Variants in TNNT3 observed in about 807,000 individuals in gnomAD.
TNNT3 encodes troponin T, fast skeletal muscle.
A neutral mutation model predicts 54.2 loss-of-function variants in TNNT3; 36 were observed. The ratio of observed to expected loss-of-function variants is 0.66; its 90% CI spans 0.51 to 0.88. The LOEUF is 0.88. Ranked by LOEUF, TNNT3 falls within the 40% of genes least tolerant of loss-of-function variation. The pLI is 0.00. For synonymous variants in TNNT3, 120 were observed against 109.7 expected (o/e 1.09, Z -0.59); for missense variants, 291 against 331.6 (o/e 0.88, Z 0.95).
chr11:1,934,148 G>A (rs2668861), intron 11 of TNNT3, 140 bp downstream of exon 11: 26 of 1,139,462 alleles, frequency 2.3e-5, no homozygotes, highest in Non-Finnish European at 2.6e-5. Flanking sequence ...AGGCCCCGGC[G>A]CCCTGCAGAA....
intron 14 of TNNT3, chr11:1,935,531 C>G (rs1345208505): frequency 5.8e-6 from 1 of 172,728 alleles, no homozygotes; most frequent in African/African-American, 2.4e-5. Context: ...GGGAAGGCAG[C>G]CTGCCCGGGC....
intron 14 of TNNT3, chr11:1,936,258 A>G (rs773680406): frequency 1.9e-6 from 3 of 1,613,692 alleles, no homozygotes; most frequent in Non-Finnish European, 2.5e-6. Flanking sequence ...CCAAGTTGTA[A>G]GTAGCCGGGT....
intron 5 of TNNT3, 188 bp downstream of exon 5, chr11:1,925,304 C>T: frequency 1.3e-6 from 2 of 1,583,186 alleles, no homozygotes; most frequent in Non-Finnish European, 1.7e-6. Flanking sequence ...TTCTTGTCCC[C>T]ATGTGGGGCC....
At chr11:1,920,303 T>G (rs1361610931) in intron 1 of TNNT3, among the ~76,000 whole-genome samples, 1 of 152,060 alleles carries the variant, frequency 6.6e-6, no homozygotes, top group Non-Finnish European at 1.5e-5. Flanking sequence ...CCGAGTGTGT[T>G]GGGGTGGGGG....
chr11:1,931,443 A>G (rs1335403341), intron 8 of TNNT3, among the ~76,000 whole-genome samples: 1 of 152,236 alleles, frequency 6.6e-6, no homozygotes, highest in African/African-American at 2.4e-5. Context: ...ACCCAGGGAC[A>G]GGAACGTGCT....
intron 6 of TNNT3, 85 bp from the exon 7 acceptor site, chr11:1,929,035 G>T (rs773390308): frequency 3.9e-6 from 6 of 1,521,634 alleles, no homozygotes; most frequent in African/African-American, 1.4e-5. Context: ...CCCCTTGCCC[G>T]CCACAGGCCC....
In TNNT3 at chr11:1,938,643, G is replaced by A. The variant is rs544425439; in HGVS notation, c.*151G>A. 7.0e-5 allele frequency: 55 copies of A among 788,714 alleles called. 1 individual carries two copies. The Admixed American group carries it at 1.1e-3, about 16-fold the overall frequency. 48.9% of individuals were successfully genotyped at this position (788,714 alleles called of 1,614,324 possible). ...GAGAGGCCATCCCGGGGCGTCCCCC[G>A]CGTCTGTGTCCTTGCTGCCTTCATC... On this transcript the variant is annotated 3_prime_UTR_variant, in exon 16 of 16. Transcript: ENST00000278317.
rs899033223 is a variant in TNNT3 at position 1,932,505 on chromosome 11, G to A, written c.162G>A (p.Val54=). 6.2e-7 allele frequency: 1 copy of A among 1,613,866 alleles called. No individual in the cohort carries two copies. The highest frequency in any genetic ancestry group is 8.5e-7 in the Non-Finnish European group (1 of 1,179,966). Residue 54 remains valine, a synonymous_variant, in exon 9 of 16, where the codon GTG becomes GTA. Coordinates refer to ENST00000278317, the MANE Select transcript of TNNT3 (RefSeq NM_006757.4). Reference sequence around the variant, plus strand: ...CTAAGATCCCAGAAGGGGAGAAAGTGGACTTCGATGTAAGTTTACAGGACT... The same window carrying A: ...CTAAGATCCCAGAAGGGGAGAAAGTAGACTTCGATGTAAGTTTACAGGACT... ...TAPKIPEGEK[V]DFDDIQKKRQ...
chr11:1,926,988 T>G (rs1383796637), intron 6 of TNNT3, among the ~76,000 whole-genome samples: 1 of 151,652 alleles, frequency 6.6e-6, no homozygotes, highest in Non-Finnish European at 1.5e-5. Flanking sequence ...GAGGTGGGGG[T>G]GGCCAGCCTT....
intron 3 of TNNT3, 94 bp downstream of exon 3, chr11:1,923,155 T>G (rs1236546536): frequency 7.2e-6 from 11 of 1,538,196 alleles, no homozygotes; most frequent in Admixed American, 1.7e-5. Flanking sequence ...CTGTGTCCCC[T>G]TGACAGCCCT....
intron 1 of TNNT3, among the ~76,000 whole-genome samples, chr11:1,922,120 A>G (rs1299572465): frequency 6.6e-6 from 1 of 152,170 alleles, no homozygotes; most frequent in African/African-American, 2.4e-5. Context: ...GGTGCACGGG[A>G]AGCGGCCCAG....
Position 1,934,319 on chromosome 11 carries a change from G to A in TNNT3, c.367-13G>A. 1.2e-6 allele frequency: 2 copies of A among 1,608,640 alleles called. No homozygotes were observed. The highest frequency in any genetic ancestry group is 1.7e-6 in the Non-Finnish European group (2 of 1,175,470). On this transcript the variant is annotated splice_polypyrimidine_tract_variant and intron_variant, in intron 11 of 15. Transcript: ENST00000278317. ...CTCCATCCCTGAGCATCTTGGGAAT[G>A]GGGTCTCCACAGGAGGAAAAGGCCA... is the stretch of plus-strand genomic sequence containing the variant.
At chr11:1,920,717 G>A (rs1350559829) in intron 1 of TNNT3, among the ~76,000 whole-genome samples, 5 of 152,098 alleles carry the variant, frequency 3.3e-5, no homozygotes, top group Admixed American at 2.0e-4. Context: ...CGAAGAAACT[G>A]ACCGCATAGG....
intron 9 of TNNT3, 142 bp downstream of exon 9, chr11:1,932,656 C>T (rs921142416): frequency 3.8e-6 from 3 of 783,134 alleles, no homozygotes; most frequent in African/African-American, 3.4e-5. Context: ...ATAGCTTATT[C>T]CTGGGCCAGA....
At chr11:1,923,004 A>G (rs1463375190) in intron 2 of TNNT3, 44 bp from the exon 3 acceptor site, 2 of 1,613,702 alleles carry the variant, frequency 1.2e-6, no homozygotes, top group East Asian at 2.2e-5. Context: ...GCCCAGCCTC[A>G]CTACCTCTCT....
At position 1,938,426 on chromosome 11, in the gene TNNT3, T is replaced by C. The variant is rs369977550; in HGVS notation, c.723-12T>C. On this transcript the variant is annotated splice_polypyrimidine_tract_variant and intron_variant, in intron 15 of 15. Coordinates refer to ENST00000278317, the MANE Select transcript of TNNT3 (RefSeq NM_006757.4). ...CCCTGACCCTGAAGGATCACTTGCT[T>C]CCCATTTGCAGCAGCAAGAAGGCTG... 3 of 1,612,950 alleles carry C rather than the reference T, an allele frequency of 1.9e-6. No homozygotes were observed. The highest frequency in any genetic ancestry group is 2.7e-5 in the African/African-American group (2 of 74,900).
rs765275660 is a variant in TNNT3, at chr11:1,934,586, TGAA to T, written c.530_532del (p.Lys177del). 56 of 1,609,750 alleles carry T rather than the reference TGAA, an allele frequency of 3.5e-5. No homozygotes were observed. The highest frequency in any genetic ancestry group is 8.4e-5 in the Admixed American group (5 of 59,602). ...GGCAAGAAGCAGACAGCCCGGGAAA[TGAA>T]GAAGAAGATTCTGGCTGAGAGACGC... On this transcript the variant is annotated inframe_deletion, in exon 13 of 16. Coordinates refer to ENST00000278317, the MANE Select transcript of TNNT3 (RefSeq NM_006757.4).
At chr11:1,922,728 G>A (rs1006391988) in intron 1 of TNNT3, 129 bp from the exon 2 acceptor site, 1 of 863,962 alleles carries the variant, frequency 1.2e-6, no homozygotes, top group Non-Finnish European at 1.9e-6. Context: ...GGCCAGAGCT[G>A]GCCCCCAAAC....
intron 14 of TNNT3, chr11:1,935,696 A>G (rs1854800358): frequency 5.4e-6 from 1 of 186,358 alleles, no homozygotes; most frequent in Admixed American, 5.4e-5. Flanking sequence ...CTCCAGCATC[A>G]CCATCAGGGC....
Sources: allele counts gnomAD v4.1 joint callset (sites outside exome capture counted in the v4.1 genomes callset), GRCh38; gene constraint gnomAD v4.1.1; transcripts MANE v1.5; gene names NCBI Gene and HGNC (gene_info 2026-07-23, HGNC 2026-07-21).